B3GNT7: variants seen among roughly 807,000 people sequenced by gnomAD.
B3GNT7 encodes BGnT-7.
B3GNT7 carries 9 observed loss-of-function variants against 5.1 expected under a neutral mutation model. The observed-to-expected ratio is 1.77, with a 90% CI of 1.07 to 3.09. The LOEUF is 3.09. B3GNT7 is among the 30% of genes most tolerant of loss of function. The probability of loss-of-function intolerance (pLI) is 0.00; values close to 1 mark genes in which losing one functional copy is unlikely to be tolerated. For synonymous variants in B3GNT7, 253 were observed against 248.6 expected, an observed-to-expected ratio of 1.02 and a Z score of -0.17; for missense variants, 468 against 550.8, an observed-to-expected ratio of 0.85 and a Z score of 1.50.
In B3GNT7 at chr2:231,399,341, G is replaced by C. The variant is rs528856228; in HGVS notation, c.*416G>C. On this transcript the variant is annotated 3_prime_UTR_variant, in exon 2 of 2. Coordinates refer to ENST00000287590, the MANE Select transcript of B3GNT7 (RefSeq NM_145236.3). ...TCGTCTTCACAGGGAAGAGTCTTCT[G>C]TGAAATGCCTCAGTCTCCCCAGAGG... The C allele has an allele frequency of 4.0e-5, 7 of 176,428 alleles. No individual in the cohort carries two copies. The South Asian group carries it at 1.1e-3, about 28-fold the overall frequency. 10.9% of individuals were successfully genotyped at this position (176,428 alleles called of 1,614,324 possible).
chr2:231,398,110 A>G lies in B3GNT7; in HGVS notation c.391A>G (p.Arg131Gly), dbSNP rs866926278. 6.8e-6 allele frequency: 11 copies of G among 1,610,732 alleles called. No homozygotes were observed. The highest frequency in any genetic ancestry group is 9.3e-6 in the Non-Finnish European group (11 of 1,178,732). Residue 131 changes from arginine (R) to glycine (G), a missense_variant, in exon 2 of 2, where the codon AGG (arginine) becomes GGG (glycine). Physicochemically the swap from Arg to Gly is moderately radical, Grantham distance 125 (BLOSUM62 -2). Coordinates refer to ENST00000287590, the MANE Select transcript of B3GNT7 (RefSeq NM_145236.3). Reference protein sequence around the residue: ...PMLLNHPEKCRGDVYLLVVVK... With the variant: ...PMLLNHPEKCGGDVYLLVVVK... ...GCTGCTGAACCACCCGGAGAAGTGC[A>G]GGGGCGATGTCTACCTGCTGGTGGT...
At position 231,395,883 on chromosome 2, in the gene B3GNT7, G is replaced by A. The variant is rs538456539; in HGVS notation, c.11+69G>A. 17 of 1,065,344 alleles carry A rather than the reference G, an allele frequency of 1.6e-5. No individual in the cohort carries two copies. The East Asian group carries it at 6.7e-4, about 42-fold the overall frequency. 66.0% of individuals were successfully genotyped at this position (1,065,344 alleles called of 1,614,324 possible). A position where few individuals can be genotyped will look rare whatever the true frequency, so the allele number is the denominator to read the frequency against. On this transcript the variant is annotated intron_variant, in intron 1 of 1. Coordinates refer to ENST00000287590, the MANE Select transcript of B3GNT7 (RefSeq NM_145236.3). The surrounding 1 kb of genome is among the most constrained non-coding windows in gnomAD (Gnocchi z 7.3). ...GGCCCGGGGCTCCCCCTCCTCCGTG[G>A]CCACAGACGGGCGCCGGGACTCCCG...
chr2:231,398,854 CCT>C lies in B3GNT7; in HGVS notation c.1136_1137del (p.Pro379ArgfsTer52), dbSNP rs749502500. 1 of 1,600,362 alleles carries C rather than the reference CCT, an allele frequency of 6.2e-7. No homozygotes were observed. The highest frequency in any genetic ancestry group is 1.1e-5 in the South Asian group (1 of 90,884). The stretch of plus-strand genomic sequence containing the variant: ...GCTCGTGGTGCACAAGCTGCTGCCC[CCT>C]GAGCTGCTCGCCATGTGGGGGCTGG... ...AMLVVHKLLP[P>X]ELLAMWGLVH... is the part of the protein sequence containing the mutation. On this transcript the variant is annotated frameshift_variant, in exon 2 of 2. Transcript: ENST00000287590. LOFTEE classifies it high-confidence loss of function.
Position 231,396,819 on chromosome 2 carries a change from G to A in B3GNT7, c.12-912G>A, listed in dbSNP as rs546924239. Among the ~76,000 whole-genome samples the A allele has an allele frequency of 2.4e-3, 366 of 152,256 alleles. 1 individual carries two copies. Among genetic ancestry groups the A allele is most frequent in the African/African-American group, 8.2e-3 (342 of 41,552 alleles). On this transcript the variant is annotated intron_variant, in intron 1 of 1. Coordinates refer to ENST00000287590, the MANE Select transcript of B3GNT7 (RefSeq NM_145236.3). ...TTCAGGACAGGGGCTCAGGCCCCAG[G>A]GCTTGGGACGACCAGCACTCCTGGC...
Position 231,398,494 on chromosome 2 carries a change from C to T in B3GNT7, c.775C>T (p.Pro259Ser). The T allele has an allele frequency of 1.2e-6, 2 of 1,613,742 alleles. No homozygotes were observed. Among genetic ancestry groups the T allele is most frequent in the Non-Finnish European group, 1.7e-6 (2 of 1,179,894 alleles). The change falls in exon 2 of 2, where the codon CCA becomes TCA. Residue 259 changes from proline (P) to serine (S), a missense_variant. Physicochemically the swap from Pro to Ser is moderately conservative, Grantham distance 74. Coordinates refer to ENST00000287590, the MANE Select transcript of B3GNT7 (RefSeq NM_145236.3). ...GCTAGAATTTCTGGCTGACCGGCAGCCACAGGAAAACCTGTTCGTGGGCGA... is the reference window on the plus strand; with the variant it reads ...GCTAGAATTTCTGGCTGACCGGCAGTCACAGGAAAACCTGTTCGTGGGCGA... Reference protein sequence around the residue: ...NLLEFLADRQPQENLFVGDVL... With the variant: ...NLLEFLADRQSQENLFVGDVL...
rs777240589 is a variant in B3GNT7 at position 231,397,887 on chromosome 2, G to A, written c.168G>A (p.Val56=). ...QKAQKPNGQL[V]NPNNFWKNPK... is the part of the protein sequence containing the mutation. Reference sequence around the variant, plus strand: ...CCCAGAAGCCAAATGGACAGCTGGTGAACCCCAACAACTTCTGGAAGAACC... The same window carrying A: ...CCCAGAAGCCAAATGGACAGCTGGTAAACCCCAACAACTTCTGGAAGAACC... Residue 56 remains valine, a synonymous_variant, in exon 2 of 2, where the codon GTG becomes GTA. Coordinates refer to ENST00000287590, the MANE Select transcript of B3GNT7 (RefSeq NM_145236.3). 17 of 1,613,724 alleles carry A rather than the reference G, an allele frequency of 1.1e-5. No individual in the cohort carries two copies. In the East Asian group the frequency reaches 1.3e-4, roughly 13 times the overall value.
Position 231,398,153 on chromosome 2 carries a change from C to G in B3GNT7, c.434C>G (p.Thr145Arg). The G allele has an allele frequency of 6.3e-7, 1 of 1,595,614 alleles. No homozygotes were observed. The highest frequency in any genetic ancestry group is 1.1e-5 in the South Asian group (1 of 88,232). The change falls in exon 2 of 2, where the codon ACG becomes AGG. Residue 145 changes from threonine (T) to arginine (R), a missense_variant. Transcript: ENST00000287590. ...CTGGTGGTTGTCAAGTCGGTCATCA[C>G]GCAGCACGACCGCCGCGAGGCCATC... ...YLLVVVKSVI[T>R]QHDRREAIRQ...
chr2:231,396,801 C>T (rs1490737512), intron 1 of B3GNT7, among the ~76,000 whole-genome samples: 2 of 151,944 alleles, frequency 1.3e-5, no homozygotes, highest in African/African-American at 4.8e-5. Flanking sequence ...TCCTTCAGGA[C>T]AGGGGCTCAG....
chr2:231,397,734 G>C lies in B3GNT7; in HGVS notation c.15G>C (p.Lys5Asn). 1 of 1,609,678 alleles carries C rather than the reference G, an allele frequency of 6.2e-7. No individual in the cohort carries two copies. The highest frequency in any genetic ancestry group is 1.3e-5 in the African/African-American group (1 of 74,868). MSLWKKTVYRSLCLA... is the reference protein window; with the variant it reads MSLWNKTVYRSLCLA... ...TACTGTCCGCTCTCCCCCACAGGAAGAAAACCGTCTACCGGAGTCTGTGCC... is the reference window on the plus strand; with the variant it reads ...TACTGTCCGCTCTCCCCCACAGGAACAAAACCGTCTACCGGAGTCTGTGCC... Residue 5 changes from lysine to asparagine, a missense_variant, in exon 2 of 2, where the codon AAG becomes AAC. Transcript: ENST00000287590.
chr2:231,397,717 GCT>G lies in B3GNT7; in HGVS notation c.12-10_12-9del. ...CTTTTCTCTCTCCTCTGTACTGTCCGCTCTCCCCCACAGGAAGAAAACCGTCT... is the reference window on the plus strand; with the variant it reads ...CTTTTCTCTCTCCTCTGTACTGTCCGCTCCCCCACAGGAAGAAAACCGTCT... On this transcript the variant is annotated splice_polypyrimidine_tract_variant and intron_variant, in intron 1 of 1. Coordinates refer to ENST00000287590, the MANE Select transcript of B3GNT7 (RefSeq NM_145236.3). The G allele has an allele frequency of 6.3e-7, 1 of 1,598,002 alleles. No homozygotes were observed. Among genetic ancestry groups the G allele is most frequent in the Non-Finnish European group, 8.5e-7 (1 of 1,172,838 alleles).
At chr2:231,396,868 G>C (rs1412731899) in intron 1 of B3GNT7, among the ~76,000 whole-genome samples, 2 of 144,850 alleles carry the variant, frequency 1.4e-5, no homozygotes, top group Non-Finnish European at 3.0e-5. Context: ...TTCTGCTTCC[G>C]AAATGGGTGT....
intron 1 of B3GNT7, among the ~76,000 whole-genome samples, chr2:231,396,450 C>G (rs563875916): frequency 3.3e-4 from 50 of 152,216 alleles, no homozygotes; most frequent in African/African-American, 1.1e-3. Context: ...GTCACACCCC[C>G]CAGCCTGCAC....
At chr2:231,397,261 T>C in intron 1 of B3GNT7, 1 of 987,858 alleles carries the variant, frequency 1.0e-6, no homozygotes. Flanking sequence ...ATGATACCGA[T>C]ACCTACTGCT....
Position 231,398,158 on chromosome 2 carries a change from C to A in B3GNT7, c.439C>A (p.His147Asn). The change falls in exon 2 of 2, where the codon CAC becomes AAC. Residue 147 changes from histidine (H) to asparagine (N), a missense_variant. Coordinates refer to ENST00000287590, the MANE Select transcript of B3GNT7 (RefSeq NM_145236.3). ...LVVVKSVITQ[H>N]DRREAIRQTW... ...GGTTGTCAAGTCGGTCATCACGCAG[C>A]ACGACCGCCGCGAGGCCATCCGCCA... 1 of 1,593,534 alleles carries A rather than the reference C, an allele frequency of 6.3e-7. No homozygotes were observed. Among genetic ancestry groups the A allele is most frequent in the South Asian group, 1.1e-5 (1 of 87,852 alleles).
chr2:231,398,280 G>T lies in B3GNT7; in HGVS notation c.561G>T (p.Thr187=), dbSNP rs759849051. 1 of 1,612,954 alleles carries T rather than the reference G, an allele frequency of 6.2e-7. No individual in the cohort carries two copies. Residue 187 remains threonine (T), a synonymous_variant, in exon 2 of 2, where the codon ACG becomes ACT. Coordinates refer to ENST00000287590, the MANE Select transcript of B3GNT7 (RefSeq NM_145236.3). The part of the protein sequence containing the change: ...LGTASKQEER[T]HYQQLLAYED... ...CGGCCTCCAAGCAGGAGGAGCGCACGCACTACCAGCAGCTGCTGGCCTACG... is the reference window on the plus strand; with the variant it reads ...CGGCCTCCAAGCAGGAGGAGCGCACTCACTACCAGCAGCTGCTGGCCTACG...
At chr2:231,397,176 A>T in intron 1 of B3GNT7, 1 of 985,502 alleles carries the variant, frequency 1.0e-6, no homozygotes, top group Non-Finnish European at 1.2e-6. Context: ...AATGTGCCCC[A>T]CATGTGATGG....
Position 231,395,786 on chromosome 2 carries a change from GC to G in B3GNT7, c.-17del. Reference sequence around the variant, plus strand: ...GCTGCGAGCCGCTCGCCCCTCCGCCGCTCCGGCCCGGGCCGCCATGTCGCTG... The same window carrying G: ...GCTGCGAGCCGCTCGCCCCTCCGCCGTCCGGCCCGGGCCGCCATGTCGCTG... On this transcript the variant is annotated 5_prime_UTR_variant, in exon 1 of 2. Transcript: ENST00000287590. The surrounding 1 kb of genome is among the most constrained non-coding windows in gnomAD (Gnocchi z 7.3). 8.6e-7 allele frequency: 1 copy of G among 1,169,278 alleles called. No individual in the cohort carries two copies. The highest frequency in any genetic ancestry group is 4.1e-5 in the South Asian group (1 of 24,232). The allele number at this position is 1,169,278 out of a possible 1,614,324, so 72.4% of individuals were successfully genotyped here. A position where few individuals can be genotyped will look rare whatever the true frequency, so the allele number is the denominator to read the frequency against.
intron 1 of B3GNT7, chr2:231,397,221 C>T: frequency 1.0e-6 from 1 of 985,796 alleles, no homozygotes; most frequent in Non-Finnish European, 1.2e-6. Context: ...AGAGGGTGCC[C>T]TCTCAATGAC....
chr2:231,397,405 T>G, intron 1 of B3GNT7: 1 of 374,122 alleles, frequency 2.7e-6, no homozygotes, highest in Non-Finnish European at 4.1e-6. Context: ...GCCTGGTACT[T>G]TATATAGCAC....
Sources: gnomAD v4.1 joint callset for allele counts (sites outside exome capture counted in the v4.1 genomes callset) on GRCh38, gnomAD v4.1.1 for gene constraint, Gnocchi (gnomAD v3.1) non-coding constraint, MANE v1.5 for transcripts, NCBI Gene and HGNC (gene_info 2026-07-23, HGNC 2026-07-21) for gene names.